TMEM248: variants seen among roughly 807,000 people sequenced by gnomAD.
TMEM248 encodes transmembrane protein 248.
Under a neutral mutation model 30.3 loss-of-function variants are expected in TMEM248, and 9 were observed. The observed-to-expected ratio is 0.30, with a 90% CI of 0.18 to 0.52. The LOEUF (loss-of-function observed/expected upper bound fraction) is 0.52. Ranked by LOEUF, TMEM248 falls within the 20% of genes least tolerant of loss-of-function variation. TMEM248 has a pLI of 0.97. For synonymous variants in TMEM248, 184 were observed against 154.4 expected (o/e 1.19, Z -1.42); for missense variants, 338 against 403.3 (o/e 0.84, Z 1.39).
At chr7:66,926,016 A>G (rs927610229) in intron 1 of TMEM248, among the ~76,000 whole-genome samples, 2 of 152,070 alleles carry the variant, frequency 1.3e-5, no homozygotes, top group African/African-American at 4.8e-5. Context: ...ACAGTGCATG[A>G]CGGCTCCCTT....
At chr7:66,929,896 C>T (rs1163981574) in intron 1 of TMEM248, among the ~76,000 whole-genome samples, 1 of 152,138 alleles carries the variant, frequency 6.6e-6, no homozygotes, top group East Asian at 1.9e-4. Context: ...CGCAGTGGCT[C>T]ACGTCTGTAA....
chr7:66,950,549 T>C (rs1229533937), intron 4 of TMEM248, among the ~76,000 whole-genome samples: 1 of 152,206 alleles, frequency 6.6e-6, no homozygotes, highest in Non-Finnish European at 1.5e-5. Flanking sequence ...CCTGTTTCCT[T>C]TATAAATAAC....
At chr7:66,938,839 T>TC (rs1262710821) in intron 1 of TMEM248, among the ~76,000 whole-genome samples, 1 of 152,214 alleles carries the variant, frequency 6.6e-6, no homozygotes, top group East Asian at 1.9e-4. Flanking sequence ...AAAGATACCA[T>TC]AAACCATATT....
chr7:66,946,316 G>A (rs1271652535), intron 3 of TMEM248, among the ~76,000 whole-genome samples: 3 of 152,180 alleles, frequency 2.0e-5, no homozygotes, highest in South Asian at 2.1e-4. Flanking sequence ...AGTGGCTCAC[G>A]CCTGTAATCC....
chr7:66,958,387 C>T lies in TMEM248; in HGVS notation c.*2865C>T, dbSNP rs548735275. ...GTAGGGCTTCAGCTTCCTGGGTTTTCACCCTTCCTGCAGGCACTGTGGGGT... is the reference window on the plus strand; with the variant it reads ...GTAGGGCTTCAGCTTCCTGGGTTTTTACCCTTCCTGCAGGCACTGTGGGGT... On this transcript the variant is annotated 3_prime_UTR_variant, in exon 7 of 7. Coordinates refer to ENST00000341567, the MANE Select transcript of TMEM248 (RefSeq NM_017994.5). 1 of 152,724 alleles carries T rather than the reference C, an allele frequency of 6.5e-6. No homozygotes were observed. The highest frequency in any genetic ancestry group is 2.4e-5 in the African/African-American group (1 of 41,530). 9.5% of individuals were successfully genotyped at this position (152,724 alleles called of 1,614,324 possible).
At chr7:66,950,549 T>G (rs1229533937) in intron 4 of TMEM248, among the ~76,000 whole-genome samples, 2 of 152,206 alleles carry the variant, frequency 1.3e-5, no homozygotes, top group African/African-American at 2.4e-5. Flanking sequence ...CCTGTTTCCT[T>G]TATAAATAAC....
At chr7:66,922,403 C>G (rs1303050775) in intron 1 of TMEM248, among the ~76,000 whole-genome samples, 2 of 152,100 alleles carry the variant, frequency 1.3e-5, no homozygotes, top group Non-Finnish European at 2.9e-5. Context: ...AGCGCTTGAC[C>G]GATAAGGGTG....
intron 6 of TMEM248, 93 bp from the exon 7 acceptor site, chr7:66,955,409 G>A: frequency 7.1e-7 from 1 of 1,404,976 alleles, no homozygotes; most frequent in Non-Finnish European, 1.0e-6. Context: ...TGGTTGATAT[G>A]TGCAATTAGT....
At chr7:66,949,473 TAAATA>T (rs1036540102) in intron 4 of TMEM248, among the ~76,000 whole-genome samples, 4 of 152,056 alleles carry the variant, frequency 2.6e-5, no homozygotes, top group African/African-American at 9.7e-5. Context: ...CTCAAAAAAA[TAAATA>T]AATCAAATAA....
chr7:66,921,684 C>T (rs1197480097), intron 1 of TMEM248, among the ~76,000 whole-genome samples: 1 of 152,252 alleles, frequency 6.6e-6, no homozygotes, highest in Non-Finnish European at 1.5e-5. Flanking sequence ...TCCCCCGAGC[C>T]AGGGTTCCCT....
intron 1 of TMEM248, among the ~76,000 whole-genome samples, chr7:66,925,343 CTG>C (rs1301160128): frequency 3.3e-5 from 5 of 152,168 alleles, no homozygotes; most frequent in African/African-American, 4.8e-5. Flanking sequence ...ATTTACCACA[CTG>C]TGCAATATAA....
chr7:66,932,332 G>A (rs2129221720), intron 1 of TMEM248, among the ~76,000 whole-genome samples: 1 of 152,172 alleles, frequency 6.6e-6, no homozygotes, highest in South Asian at 2.1e-4. Context: ...TCTTTTCCTG[G>A]CCACCCTTAA....
At chr7:66,931,892 T>C (rs977706605) in intron 1 of TMEM248, among the ~76,000 whole-genome samples, 2 of 144,410 alleles carry the variant, frequency 1.4e-5, no homozygotes, top group Admixed American at 7.2e-5. Context: ...GCAAGCTCCG[T>C]CTCCTGGATT....
At chr7:66,935,736 G>A (rs1317914633) in intron 1 of TMEM248, among the ~76,000 whole-genome samples, 1 of 151,912 alleles carries the variant, frequency 6.6e-6, no homozygotes, top group African/African-American at 2.4e-5. Context: ...TAGAGATGGA[G>A]TTTCACCGTG....
At chr7:66,946,889 C>T (rs544925403) in intron 3 of TMEM248, among the ~76,000 whole-genome samples, 1 of 152,220 alleles carries the variant, frequency 6.6e-6, no homozygotes, top group East Asian at 1.9e-4. Flanking sequence ...GAAGAATAAC[C>T]TTTTGTTCTT....
chr7:66,926,652 A>AG (rs1791533059), intron 1 of TMEM248, among the ~76,000 whole-genome samples: 1 of 151,666 alleles, frequency 6.6e-6, no homozygotes, highest in African/African-American at 2.4e-5. Flanking sequence ...AAAAAAAAAA[A>AG]AAGAAAAGAA....
intron 5 of TMEM248, among the ~76,000 whole-genome samples, chr7:66,952,647 C>T (rs1477596310): frequency 6.6e-6 from 1 of 152,170 alleles, no homozygotes; most frequent in Non-Finnish European, 1.5e-5. Context: ...TAGTAACTTG[C>T]AGGGTCTGGG....
chr7:66,923,281 G>T (rs1238592568), intron 1 of TMEM248, among the ~76,000 whole-genome samples: 1 of 152,062 alleles, frequency 6.6e-6, no homozygotes. Flanking sequence ...GAGTAGCTGG[G>T]ATTACAGTTG....
At chr7:66,928,021 C>G (rs1791568982) in intron 1 of TMEM248, among the ~76,000 whole-genome samples, 1 of 152,104 alleles carries the variant, frequency 6.6e-6, no homozygotes, top group Non-Finnish European at 1.5e-5. Flanking sequence ...TCAAGACCAG[C>G]CTGACCAGCT....
Sources: gnomAD v4.1 joint callset for allele counts (sites outside exome capture counted in the v4.1 genomes callset) on GRCh38, gnomAD v4.1.1 for gene constraint, MANE v1.5 for transcripts, NCBI Gene and HGNC (gene_info 2026-07-23, HGNC 2026-07-21) for gene names.